Variants in SNTG1 observed in about 807,000 individuals in gnomAD.
SNTG1 encodes the protein syntrophin gamma 1, also known as gamma-1-syntrophin.
SNTG1 carries 39 observed loss-of-function variants against 74.7 expected under a neutral mutation model. The ratio of observed to expected loss-of-function variants is 0.52; its 90% CI spans 0.40 to 0.68. The LOEUF is 0.68. Ranked by LOEUF, SNTG1 falls within the 30% of genes least tolerant of loss-of-function variation. The pLI, the probability that SNTG1 is intolerant of heterozygous loss-of-function variation, is 0.00. For synonymous variants in SNTG1, 254 were observed against 217.1 expected (o/e 1.17, Z -1.49); for missense variants, 685 against 609.5 (o/e 1.12, Z -1.30).
intron 2 of SNTG1, among the ~76,000 whole-genome samples, chr8:50,373,477 C>A (rs893677034): frequency 6.6e-6 from 1 of 152,050 alleles, no homozygotes; most frequent in Non-Finnish European, 1.5e-5. Flanking sequence ...TATAATGTTA[C>A]CATGTGATTA....
intron 1 of SNTG1, among the ~76,000 whole-genome samples, chr8:49,946,599 C>T (rs561918939): frequency 6.6e-6 from 1 of 152,132 alleles, no homozygotes; most frequent in South Asian, 2.1e-4. Context: ...AAATAAAAAG[C>T]TGATTTTTTT....
chr8:49,985,936 G>T, intron 1 of SNTG1, among the ~76,000 whole-genome samples: 1 of 152,072 alleles, frequency 6.6e-6, no homozygotes, highest in East Asian at 1.9e-4. Flanking sequence ...TTTCATAGAA[G>T]TCTACTTATT....
intron 1 of SNTG1, among the ~76,000 whole-genome samples, chr8:49,935,808 C>A (rs906253781): frequency 7.2e-5 from 11 of 152,226 alleles, no homozygotes; most frequent in African/African-American, 2.7e-4. Flanking sequence ...GATAGCCTGG[C>A]AGATGTACTC....
chr8:50,091,257 G>A (rs886078642), intron 1 of SNTG1, among the ~76,000 whole-genome samples: 8 of 151,810 alleles, frequency 5.3e-5, no homozygotes, highest in African/African-American at 1.7e-4. Context: ...TTTACATAAC[G>A]GTCTCGAATT....
intron 18 of SNTG1, among the ~76,000 whole-genome samples, chr8:50,765,721 G>A (rs774663189): frequency 2.6e-4 from 40 of 151,854 alleles, no homozygotes; most frequent in Non-Finnish European, 5.0e-4. Flanking sequence ...AATGAATAGT[G>A]ACAAAAAATA....
chr8:49,934,890 A>AG, intron 1 of SNTG1, among the ~76,000 whole-genome samples: 1 of 152,208 alleles, frequency 6.6e-6, no homozygotes, highest in Middle Eastern at 3.4e-3. Flanking sequence ...AGAAAAAAAA[A>AG]TGCTGAAACA....
intron 15 of SNTG1, among the ~76,000 whole-genome samples, chr8:50,691,287 C>A (rs1304921801): frequency 1.3e-5 from 2 of 152,270 alleles, no homozygotes; most frequent in Middle Eastern, 3.4e-3. Flanking sequence ...TTGATCCTGT[C>A]ATTATGATGT....
At chr8:50,260,920 A>G (rs2087159790) in intron 2 of SNTG1, among the ~76,000 whole-genome samples, 1 of 152,188 alleles carries the variant, frequency 6.6e-6, no homozygotes, top group African/African-American at 2.4e-5. Flanking sequence ...TACAATAGCT[A>G]TAACACATGC....
At chr8:49,965,630 T>C (rs537516637) in intron 1 of SNTG1, among the ~76,000 whole-genome samples, 1 of 152,298 alleles carries the variant, frequency 6.6e-6, no homozygotes, top group Admixed American at 6.5e-5. Flanking sequence ...GTGGTTGTTG[T>C]CATGCGCCTT....
At chr8:50,655,764 G>T (rs2095176311) in intron 13 of SNTG1, among the ~76,000 whole-genome samples, 2 of 152,156 alleles carry the variant, frequency 1.3e-5, no homozygotes, top group Non-Finnish European at 2.9e-5. Context: ...ATTGTTATTA[G>T]TCAACTGTCA....
chr8:50,599,245 T>C (rs1179578985), intron 13 of SNTG1, among the ~76,000 whole-genome samples: 2 of 152,104 alleles, frequency 1.3e-5, no homozygotes, highest in African/African-American at 2.4e-5. Flanking sequence ...AACAGTACCA[T>C]GCCATTTTTC....
intron 17 of SNTG1, among the ~76,000 whole-genome samples, chr8:50,725,143 C>A (rs13264074): frequency 0.21 from 31,524 of 151,976 alleles, 3,374 homozygotes; most frequent in South Asian, 0.31. Flanking sequence ...TGTAAATATA[C>A]CTTCTCCATC....
intron 1 of SNTG1, among the ~76,000 whole-genome samples, chr8:50,161,899 T>C (rs2082429756): frequency 6.6e-6 from 1 of 152,150 alleles, no homozygotes; most frequent in Non-Finnish European, 1.5e-5. Context: ...CTATTTTGCA[T>C]TAATAAAGCA....
intron 1 of SNTG1, among the ~76,000 whole-genome samples, chr8:50,098,376 T>G (rs2080006190): frequency 6.6e-6 from 1 of 152,190 alleles, no homozygotes; most frequent in African/African-American, 2.4e-5. Flanking sequence ...AAAAACTAAA[T>G]TGCATCTATA....
chr8:50,510,690 AG>A (rs1349798561), intron 9 of SNTG1, among the ~76,000 whole-genome samples: 1 of 152,038 alleles, frequency 6.6e-6, no homozygotes, highest in African/African-American at 2.4e-5. Flanking sequence ...TAGGTTTTCT[AG>A]TTTTTTTGCG....
At chr8:50,629,175 C>T (rs879510306) in intron 13 of SNTG1, among the ~76,000 whole-genome samples, 7 of 152,092 alleles carry the variant, frequency 4.6e-5, no homozygotes, top group Admixed American at 6.6e-5. Context: ...TTAACAATAC[C>T]GTGTTGCTCA....
In SNTG1 at chr8:50,692,890, A is replaced by G. The variant is rs543489302; in HGVS notation, c.1039-11710A>G. Among the ~76,000 whole-genome samples, 30 of 152,318 alleles carry G rather than the reference A, an allele frequency of 2.0e-4. 1 individual carries two copies. The East Asian group carries it at 5.4e-3, about 27-fold the overall frequency. ...CAGGCAGGCCTCCTTGAGCTGTGGT[A>G]GGCTCCACCCAGTTCCAGCTTCCTG... On this transcript the variant is annotated intron_variant, in intron 15 of 18. Coordinates refer to ENST00000642720, the MANE Select transcript of SNTG1 (RefSeq NM_018967.5).
chr8:50,705,432 C>T (rs1027782412), intron 16 of SNTG1, among the ~76,000 whole-genome samples: 2 of 152,046 alleles, frequency 1.3e-5, no homozygotes, highest in Non-Finnish European at 2.9e-5. Context: ...CAATAAAAAT[C>T]ATAAAAGTAA....
At chr8:50,708,244 T>C (rs1428692673) in intron 16 of SNTG1, 6 of 155,546 alleles carry the variant, frequency 3.9e-5, no homozygotes, top group Non-Finnish European at 7.1e-5. Flanking sequence ...TATTATCTGA[T>C]CTCATTGTGA....
Sources: allele counts gnomAD v4.1 joint callset (sites outside exome capture counted in the v4.1 genomes callset), GRCh38; gene constraint gnomAD v4.1.1; transcripts MANE v1.5; gene names NCBI Gene and HGNC (gene_info 2026-07-23, HGNC 2026-07-21).